Variants in CSTF3 observed in about 807,000 individuals in gnomAD.
CSTF3 encodes the protein cleavage stimulation factor subunit 3, also known as CF-1 77 kDa subunit.
In CSTF3, 29 loss-of-function variants were observed where a neutral mutation model predicts 105.8. The ratio of observed to expected loss-of-function variants is 0.27; its 90% CI spans 0.20 to 0.37. The LOEUF is 0.37. CSTF3 is among the 10% of genes least tolerant of loss of function. The pLI, the probability that CSTF3 is intolerant of heterozygous loss-of-function variation, is 1.00. For synonymous variants in CSTF3, 252 were observed against 281.9 expected (o/e 0.89, Z 1.06); for missense variants, 357 against 879.3 (o/e 0.41, Z 7.51).
rs202039933 is a variant in CSTF3 at position 33,096,989 on chromosome 11, G to T, written c.1129-11C>A. On this transcript the variant is annotated splice_polypyrimidine_tract_variant and intron_variant, in intron 13 of 20. Coordinates refer to ENST00000323959, the MANE Select transcript of CSTF3 (RefSeq NM_001326.3). ...ATATTGGATATATACCTATGCAAAA[G>T]AAAGTATTTGTGTTCTATAAATTAG... 5.8e-5 allele frequency: 92 copies of T among 1,581,420 alleles called. No homozygotes were observed. Among genetic ancestry groups the T allele is most frequent in the Admixed American group, 1.7e-5 (1 of 58,056 alleles).
intron 1 of CSTF3, among the ~76,000 whole-genome samples, chr11:33,151,132 T>A (rs539207435): frequency 6.6e-6 from 1 of 152,272 alleles, no homozygotes; most frequent in South Asian, 2.1e-4. Context: ...TAATCTATTT[T>A]GTCTCTAGGG....
At chr11:33,122,495 T>C (rs1394500009) in intron 3 of CSTF3, among the ~76,000 whole-genome samples, 2 of 152,140 alleles carry the variant, frequency 1.3e-5, no homozygotes, top group African/African-American at 4.8e-5. Flanking sequence ...ATGTCTAATG[T>C]TGAGATGCAA....
chr11:33,147,295 T>TA (rs891660379), intron 1 of CSTF3, among the ~76,000 whole-genome samples: 12 of 148,990 alleles, frequency 8.1e-5, no homozygotes, highest in South Asian at 2.1e-4. Context: ...ACACTGTCTC[T>TA]AAAAAAAAAG....
Position 33,085,268 on chromosome 11 carries a change from A to G in CSTF3, c.1973T>C (p.Ile658Thr), listed in dbSNP as rs1736881163. Residue 658 changes from isoleucine to threonine, a missense_variant, in exon 21 of 21, where the codon ATC becomes ACC. By Grantham distance (89) the Ile-to-Thr change is moderately conservative. Transcript: ENST00000323959. ...IPNTVEEAVR[I>T]ITGGAPELAV... Reference sequence around the variant, plus strand: ...TAGCTCTGGGGCCCCACCAGTAATGATCCTCACAGCTTCCTCAACAGCTAT... The same window carrying G: ...TAGCTCTGGGGCCCCACCAGTAATGGTCCTCACAGCTTCCTCAACAGCTAT... 1 of 1,553,096 alleles carries G rather than the reference A, an allele frequency of 6.4e-7. No homozygotes were observed. The highest frequency in any genetic ancestry group is 8.7e-7 in the Non-Finnish European group (1 of 1,153,700).
At chr11:33,127,917 C>T (rs772340080) in intron 3 of CSTF3, among the ~76,000 whole-genome samples, 1 of 152,076 alleles carries the variant, frequency 6.6e-6, no homozygotes, top group Non-Finnish European at 1.5e-5. Context: ...AAAATTATCC[C>T]TTTTAGTAAA....
At chr11:33,133,197 A>G (rs913620352) in intron 3 of CSTF3, among the ~76,000 whole-genome samples, 2 of 152,216 alleles carry the variant, frequency 1.3e-5, no homozygotes, top group Non-Finnish European at 2.9e-5. Flanking sequence ...AGTCATGAAT[A>G]GAATACCTGT....
chr11:33,130,158 A>C (rs947050518), intron 3 of CSTF3, among the ~76,000 whole-genome samples: 6 of 152,172 alleles, frequency 3.9e-5, no homozygotes, highest in Non-Finnish European at 5.9e-5. Context: ...AAAATTTCAT[A>C]ATCTCAATTA....
intron 3 of CSTF3, among the ~76,000 whole-genome samples, chr11:33,129,320 G>A (rs1003237365): frequency 2.0e-5 from 3 of 151,932 alleles, no homozygotes; most frequent in African/African-American, 7.3e-5. Context: ...TTAAACTCCT[G>A]ACCTCGAGTG....
intron 10 of CSTF3, 126 bp downstream of exon 10, chr11:33,102,051 G>T: frequency 1.5e-6 from 1 of 650,004 alleles, no homozygotes; most frequent in Admixed American, 2.9e-5. Flanking sequence ...TAGATCTATA[G>T]GAATTATTGA....
intron 3 of CSTF3, among the ~76,000 whole-genome samples, chr11:33,129,523 GA>G (rs1289894283): frequency 6.6e-6 from 1 of 151,410 alleles, no homozygotes; most frequent in East Asian, 1.9e-4. Flanking sequence ...CTGTACTATT[GA>G]AAAAAAGGTG....
intron 3 of CSTF3, among the ~76,000 whole-genome samples, chr11:33,138,084 C>T (rs1173044164): frequency 6.6e-6 from 1 of 151,644 alleles, no homozygotes; most frequent in Non-Finnish European, 1.5e-5. Flanking sequence ...GAAAAGAATT[C>T]ATCTTTTGTA....
At chr11:33,155,677 A>G (rs889044346) in intron 1 of CSTF3, among the ~76,000 whole-genome samples, 15 of 152,172 alleles carry the variant, frequency 9.9e-5, no homozygotes, top group African/African-American at 3.6e-4. Flanking sequence ...TAAGTTGTCC[A>G]TTAATCTAAA....
Position 33,099,244 on chromosome 11 carries a change from T to C in CSTF3, c.937-94A>G. 2.8e-6 allele frequency: 4 copies of C among 1,438,352 alleles called. No homozygotes were observed. The highest frequency in any genetic ancestry group is 3.7e-6 in the Non-Finnish European group (4 of 1,068,644). 89.1% of individuals were successfully genotyped at this position (1,438,352 alleles called of 1,614,324 possible). A position where few individuals can be genotyped will look rare whatever the true frequency, so the allele number is the denominator to read the frequency against. ...AGTTACATCTACTTTATTTTATTTA[T>C]GTGTCTAAGAAAGCATACATGTATG... On this transcript the variant is annotated intron_variant, in intron 11 of 20. Transcript: ENST00000323959. The surrounding 1 kb of genome is among the most constrained non-coding windows in gnomAD (Gnocchi z 4.1).
chr11:33,155,726 G>GC (rs1177632519), intron 1 of CSTF3, among the ~76,000 whole-genome samples: 9 of 151,836 alleles, frequency 5.9e-5, no homozygotes, highest in Non-Finnish European at 1.3e-4. Flanking sequence ...CCCTTTTTTA[G>GC]CCCAATTCTC....
Position 33,161,425 on chromosome 11 carries a change from G to T in CSTF3, c.-100C>A. On this transcript the variant is annotated 5_prime_UTR_variant, in exon 1 of 21. Transcript: ENST00000323959. ...CCCCAAATCAGTAAAGTTACCCCCT[G>T]CCCAGCTGAGCCAGACCGCCAACAC... 6 of 1,286,738 alleles carry T rather than the reference G, an allele frequency of 4.7e-6. No individual in the cohort carries two copies. Among genetic ancestry groups the T allele is most frequent in the Non-Finnish European group, 6.7e-6 (6 of 901,526 alleles). The allele number at this position is 1,286,738 out of a possible 1,614,324, so 79.7% of individuals were successfully genotyped here. A position where few individuals can be genotyped will look rare whatever the true frequency, so the allele number is the denominator to read the frequency against.
chr11:33,097,249 T>C (rs1194963426), intron 13 of CSTF3, among the ~76,000 whole-genome samples: 2 of 152,252 alleles, frequency 1.3e-5, no homozygotes, highest in African/African-American at 2.4e-5. Context: ...CATTATCTAA[T>C]TCTAGAATAT....
intron 1 of CSTF3, among the ~76,000 whole-genome samples, chr11:33,143,565 C>A (rs1394473733): frequency 6.6e-6 from 1 of 152,044 alleles, no homozygotes; most frequent in Non-Finnish European, 1.5e-5. Flanking sequence ...GCCAGGCTAA[C>A]ATGTTGAAAC....
intron 1 of CSTF3, among the ~76,000 whole-genome samples, chr11:33,145,609 A>G (rs994895699): frequency 1.3e-5 from 2 of 151,926 alleles, no homozygotes; most frequent in East Asian, 2.0e-4. Context: ...TCAGGAGAAC[A>G]GAAACCATCC....
chr11:33,108,473 T>A, intron 3 of CSTF3, 55 bp from the exon 4 acceptor site: 6 of 1,313,526 alleles, frequency 4.6e-6, no homozygotes, highest in Non-Finnish European at 4.0e-6. Flanking sequence ...AGCATCAGTC[T>A]GAATTTTTGA....
Sources: gnomAD v4.1 joint callset for allele counts (sites outside exome capture counted in the v4.1 genomes callset) on GRCh38, gnomAD v4.1.1 for gene constraint, Gnocchi (gnomAD v3.1) non-coding constraint, MANE v1.5 for transcripts, NCBI Gene and HGNC (gene_info 2026-07-23, HGNC 2026-07-21) for gene names.